Variants in ANO4 observed in about 807,000 individuals in gnomAD.
ANO4 encodes anoctamin-4.
ANO4 carries 69 observed loss-of-function variants against 141.9 expected under a neutral mutation model. The ratio of observed to expected loss-of-function variants is 0.49; its 90% CI spans 0.40 to 0.59. The LOEUF (loss-of-function observed/expected upper bound fraction) is 0.59, where lower values mean the gene tolerates loss of function less well. ANO4 is among the 20% of genes least tolerant of loss of function. The pLI, the probability that ANO4 is intolerant of heterozygous loss-of-function variation, is 0.00. For synonymous variants in ANO4, 350 were observed against 394.3 expected (o/e 0.89, Z 1.33); for missense variants, 894 against 1,162.2 (o/e 0.77, Z 3.36).
At chr12:101,080,883 T>TAATATATATA (rs1491584060) in intron 15 of ANO4, among the ~76,000 whole-genome samples, 6 of 74,072 alleles carry the variant, frequency 8.1e-5, no homozygotes, top group Admixed American at 1.8e-4. Context: ...TATATATATA[T>TAATATATATA]TATATATATA....
chr12:100,756,738 G>A (rs1460152259), intron 3 of ANO4, among the ~76,000 whole-genome samples: 1 of 152,116 alleles, frequency 6.6e-6, no homozygotes, highest in Non-Finnish European at 1.5e-5. Context: ...TCAGACGTGG[G>A]TTCTGTCCCA....
intron 14 of ANO4, 29 bp downstream of exon 14, chr12:101,048,430 G>T (rs771694785): frequency 2.4e-5 from 39 of 1,594,194 alleles, no homozygotes; most frequent in Non-Finnish European, 3.4e-6. Context: ...TAAAACTTGA[G>T]TTTTCCTCAT....
intron 5 of ANO4, among the ~76,000 whole-genome samples, chr12:100,944,257 A>G (rs1298210622): frequency 6.6e-6 from 1 of 152,156 alleles, no homozygotes; most frequent in Non-Finnish European, 1.5e-5. Flanking sequence ...GAATTTGAGG[A>G]GGATCATGCT....
chr12:101,027,769 A>T (rs2046804074), intron 9 of ANO4, among the ~76,000 whole-genome samples: 1 of 152,106 alleles, frequency 6.6e-6, no homozygotes, highest in Non-Finnish European at 1.5e-5. Context: ...AGACCAGCAG[A>T]CTTAGCCCAG....
At chr12:100,717,273 G>T (rs1191983998), upstream of ANO4, among the ~76,000 whole-genome samples, 1 of 151,600 alleles carries the variant, frequency 6.6e-6, no homozygotes, top group Non-Finnish European at 1.5e-5. Flanking sequence ...TCCCCGCGGG[G>T]ACCCGGAGCG....
intron 3 of ANO4, among the ~76,000 whole-genome samples, chr12:100,930,771 A>C (rs948414989): frequency 4.6e-5 from 7 of 152,158 alleles, no homozygotes; most frequent in Admixed American, 3.3e-4. Context: ...AGAAGTTTCT[A>C]AACTTTTGTA....
At chr12:100,819,536 C>G (rs2035920330) in intron 1 of ANO4, among the ~76,000 whole-genome samples, 1 of 151,578 alleles carries the variant, frequency 6.6e-6, no homozygotes, top group Non-Finnish European at 1.5e-5. Context: ...TGACTTGAGA[C>G]CAGTTCAAAA....
intron 2 of ANO4, among the ~76,000 whole-genome samples, chr12:100,736,250 T>G (rs188732049): frequency 4.6e-5 from 7 of 152,186 alleles, no homozygotes; most frequent in Middle Eastern, 3.4e-3. Flanking sequence ...GGGTAGATAG[T>G]GTGAGGATGA....
At position 100,958,018 on chromosome 12, in the gene ANO4, T is replaced by A. The variant is rs375686975; in HGVS notation, c.457-13288T>A. On this transcript the variant is annotated intron_variant, in intron 5 of 27. Coordinates refer to ENST00000392977, the MANE Select transcript of ANO4 (RefSeq NM_001286615.2). ...CCATGCCCAGCCACAACCATTTTTT[T>A]AAATCATTATTTCATGTCCCTCATT... Among the ~76,000 whole-genome samples, 531 of 152,308 alleles carry A rather than the reference T, an allele frequency of 3.5e-3. 6 individuals are homozygous for A. The highest frequency in any genetic ancestry group is 0.012 in the African/African-American group (507 of 41,566).
chr12:100,749,183 G>A (rs1473825190), intron 3 of ANO4, among the ~76,000 whole-genome samples: 1 of 152,176 alleles, frequency 6.6e-6, no homozygotes, highest in Non-Finnish European at 1.5e-5. Flanking sequence ...TTGAAGTTGA[G>A]TGCTGAATGT....
intron 8 of ANO4, among the ~76,000 whole-genome samples, chr12:101,010,765 C>A (rs1593004895): frequency 6.6e-6 from 1 of 152,160 alleles, no homozygotes; most frequent in Non-Finnish European, 1.5e-5. Flanking sequence ...AAGGCATTAA[C>A]CTTCCCTTAT....
chr12:101,073,926 A>G (rs116059149), intron 14 of ANO4, among the ~76,000 whole-genome samples: 1,749 of 152,260 alleles, frequency 0.011, 37 homozygotes, highest in African/African-American at 0.04. Flanking sequence ...ATAGGTAGGT[A>G]CATGGTGGAG....
rs139524515 is a variant in ANO4 at position 101,000,511 on chromosome 12, G to C, written c.734+12841G>C. Among the ~76,000 whole-genome samples the C allele has an allele frequency of 1.3e-3, 196 of 152,256 alleles. 1 individual carries two copies. The highest frequency in any genetic ancestry group is 4.3e-3 in the African/African-American group (177 of 41,558). On this transcript the variant is annotated intron_variant, in intron 8 of 27. Coordinates refer to ENST00000392977, the MANE Select transcript of ANO4 (RefSeq NM_001286615.2). Reference sequence around the variant, plus strand: ...GGCAGAGGTACCAAGATTGATTTACGTAGGATTAAGGTTCTTTTAGTGCCT... The same window carrying C: ...GGCAGAGGTACCAAGATTGATTTACCTAGGATTAAGGTTCTTTTAGTGCCT...
intron 17 of ANO4, among the ~76,000 whole-genome samples, chr12:101,092,329 T>C (rs930707285): frequency 6.6e-5 from 10 of 152,212 alleles, no homozygotes; most frequent in African/African-American, 2.4e-4. Context: ...CACAGCTTCC[T>C]TTTGGACATA....
At chr12:101,066,217 G>A (rs558408261) in intron 14 of ANO4, among the ~76,000 whole-genome samples, 55 of 152,272 alleles carry the variant, frequency 3.6e-4, no homozygotes, top group Non-Finnish European at 6.3e-4. Context: ...AAGGATGTCC[G>A]CTTTCACCAC....
intron 4 of ANO4, among the ~76,000 whole-genome samples, chr12:100,941,456 CT>C (rs1375158527): frequency 6.6e-6 from 1 of 152,004 alleles, no homozygotes; most frequent in African/African-American, 2.4e-5. Context: ...CTGAGACTTG[CT>C]TTTTTTATCA....
At chr12:100,825,966 A>G (rs1459093683) in intron 1 of ANO4, among the ~76,000 whole-genome samples, 4 of 152,092 alleles carry the variant, frequency 2.6e-5, no homozygotes, top group African/African-American at 9.6e-5. Flanking sequence ...AGCTGTTGCC[A>G]AAATCAACTG....
intron 7 of ANO4, among the ~76,000 whole-genome samples, chr12:100,979,997 C>T (rs1170982901): frequency 6.6e-6 from 1 of 151,466 alleles, no homozygotes; most frequent in Non-Finnish European, 1.5e-5. Context: ...ACCTTGGCCT[C>T]CCAAAGTGCT....
rs1593379234 is a variant in ANO4, at chr12:100,806,523, C to CTTTTTTTTTTTTTTTTTTTTTTTTTTTT, written c.-141+11496_-141+11497insTTTTTTTTTTTTTTTTTTTTTTTTTTTT. ...TTTTTAGGAGGTTTTTTTTTTGTTT[C>CTTTTTTTTTTTTTTTTTTTTTTTTTTTT]GTTTTTTTTTTTTTTTTTTTTTTTT... On this transcript the variant is annotated intron_variant, in intron 1 of 27. Transcript: ENST00000392977. 5.1e-4 allele frequency among the ~76,000 whole-genome samples: 23 copies of CTTTTTTTTTTTTTTTTTTTTTTTTTTTT among 44,974 alleles called. 5 individuals carry two copies. The highest frequency in any genetic ancestry group is 7.3e-4 in the African/African-American group (10 of 13,674). 29.5% of individuals were successfully genotyped at this position (44,974 alleles called of 152,430 possible).
Sources: gnomAD v4.1 joint callset for allele counts (sites outside exome capture counted in the v4.1 genomes callset) on GRCh38, gnomAD v4.1.1 for gene constraint, MANE v1.5 for transcripts, NCBI Gene and HGNC (gene_info 2026-07-23, HGNC 2026-07-21) for gene names.